Variants in DIP2B observed in about 807,000 individuals in gnomAD.
DIP2B encodes DIP2 acetate--CoA ligase B (putative), also known as disco-interacting protein 2 homolog B.
A neutral mutation model predicts 198.0 loss-of-function variants in DIP2B; 76 were observed. The observed-to-expected ratio is 0.38, with a 90% CI of 0.32 to 0.46. The LOEUF (loss-of-function observed/expected upper bound fraction) is 0.46, where lower values mean the gene tolerates loss of function less well. DIP2B is among the 20% of genes least tolerant of loss of function. The pLI is 0.99. For synonymous variants in DIP2B, 701 were observed against 739.1 expected (o/e 0.95, Z 0.84); for missense variants, 1,559 against 1,978.4 (o/e 0.79, Z 4.02).
intron 3 of DIP2B, among the ~76,000 whole-genome samples, chr12:50,651,960 A>T (rs61170935): frequency 1.3e-5 from 2 of 152,240 alleles, no homozygotes; most frequent in African/African-American, 4.8e-5. Flanking sequence ...CAGGTGGATC[A>T]CTTGAGGTCA....
At chr12:50,653,592 T>C (rs1938501076) in intron 3 of DIP2B, among the ~76,000 whole-genome samples, 1 of 152,016 alleles carries the variant, frequency 6.6e-6, no homozygotes, top group Non-Finnish European at 1.5e-5. Context: ...TCTGCCCACC[T>C]TGGCCTCCCA....
chr12:50,611,997 G>A (rs1421691496), intron 1 of DIP2B, among the ~76,000 whole-genome samples: 4 of 147,186 alleles, frequency 2.7e-5, no homozygotes, highest in Admixed American at 1.4e-4. Flanking sequence ...CCAAGATCCC[G>A]CCTCTAAAAA....
At chr12:50,576,548 G>A (rs1325826546) in intron 1 of DIP2B, among the ~76,000 whole-genome samples, 1 of 151,292 alleles carries the variant, frequency 6.6e-6, no homozygotes, top group Non-Finnish European at 1.5e-5. Flanking sequence ...GCGCGATCTC[G>A]GCTCACTGCA....
At position 50,505,013 on chromosome 12, in the gene DIP2B, C is replaced by CGGCGGCGGCGGT. The variant is rs1426283430; in HGVS notation, c.-126_-115dup. ...TGACCTTTGCTCATGGCGGCGGCGG[C>CGGCGGCGGCGGT]GGCGGCGGCGGTGCTGGTGGTGCTC... is the stretch of plus-strand genomic sequence containing the variant. On this transcript the variant is annotated 5_prime_UTR_variant, in exon 1 of 38. Transcript: ENST00000301180. The CGGCGGCGGCGGT allele has an allele frequency of 8.5e-6, 8 of 945,302 alleles. No individual in the cohort carries two copies. The East Asian group carries it at 2.3e-4, about 27-fold the overall frequency. 58.6% of individuals were successfully genotyped at this position (945,302 alleles called of 1,614,324 possible). A position where few individuals can be genotyped will look rare whatever the true frequency, so the allele number is the denominator to read the frequency against.
chr12:50,546,178 A>G (rs1958376138), intron 1 of DIP2B, among the ~76,000 whole-genome samples: 1 of 152,214 alleles, frequency 6.6e-6, no homozygotes, highest in East Asian at 1.9e-4. Flanking sequence ...ACATGTGCAA[A>G]TATGCATAAG....
chr12:50,563,025 G>T (rs897373845), intron 1 of DIP2B, among the ~76,000 whole-genome samples: 34 of 151,632 alleles, frequency 2.2e-4, no homozygotes, highest in Admixed American at 7.2e-4. Flanking sequence ...AGTGTAGAAC[G>T]ATTGCTAAAA....
intron 1 of DIP2B, among the ~76,000 whole-genome samples, chr12:50,581,871 A>G (rs1455525980): frequency 6.6e-6 from 1 of 152,224 alleles, no homozygotes; most frequent in Non-Finnish European, 1.5e-5. Context: ...GAGGAAGGGA[A>G]GAAAAGATAA....
chr12:50,559,557 A>G (rs1445019959), intron 1 of DIP2B, among the ~76,000 whole-genome samples: 2 of 152,076 alleles, frequency 1.3e-5, no homozygotes, highest in African/African-American at 4.8e-5. Context: ...CTGGGGCAAC[A>G]TAGCAAGATC....
intron 32 of DIP2B, among the ~76,000 whole-genome samples, chr12:50,733,553 A>G (rs1443152641): frequency 6.6e-6 from 1 of 152,094 alleles, no homozygotes; most frequent in Non-Finnish European, 1.5e-5. Flanking sequence ...CCTGCAAAAA[A>G]TATAGATGGG....
chr12:50,728,751 C>G, intron 30 of DIP2B, 73 bp downstream of exon 30: 1 of 1,536,978 alleles, frequency 6.5e-7, no homozygotes, highest in Non-Finnish European at 8.8e-7. Context: ...TCATCCTTCC[C>G]TTTGCTCCCT....
At chr12:50,648,377 T>A (rs561715209) in intron 3 of DIP2B, among the ~76,000 whole-genome samples, 80 of 152,268 alleles carry the variant, frequency 5.3e-4, no homozygotes, top group Middle Eastern at 6.8e-3. Flanking sequence ...TTATTTATTT[T>A]TTTTGAGACG....
intron 28 of DIP2B, among the ~76,000 whole-genome samples, chr12:50,727,077 C>G (rs929380622): frequency 1.3e-5 from 2 of 152,088 alleles, no homozygotes; most frequent in African/African-American, 4.8e-5. Flanking sequence ...GAGATCGAGC[C>G]ACTGCACTCC....
intron 1 of DIP2B, among the ~76,000 whole-genome samples, chr12:50,531,534 A>G (rs1958217070): frequency 6.6e-6 from 1 of 152,202 alleles, no homozygotes; most frequent in African/African-American, 2.4e-5. Context: ...TAGGACTGAG[A>G]AAATGCAATT....
intron 1 of DIP2B, among the ~76,000 whole-genome samples, chr12:50,510,904 C>G (rs1409582251): frequency 6.7e-6 from 1 of 150,266 alleles, no homozygotes; most frequent in Non-Finnish European, 1.5e-5. Context: ...CTCGGCCTCC[C>G]AAAGTGCTGG....
At chr12:50,689,613 G>A (rs906643864) in intron 12 of DIP2B, among the ~76,000 whole-genome samples, 5 of 152,182 alleles carry the variant, frequency 3.3e-5, no homozygotes, top group Non-Finnish European at 7.3e-5. Flanking sequence ...GTTTCCAGGG[G>A]CAGGGACGGG....
intron 1 of DIP2B, among the ~76,000 whole-genome samples, chr12:50,613,941 G>A (rs2731448): frequency 0.043 from 6,551 of 152,172 alleles, 481 homozygotes; most frequent in African/African-American, 0.15. Flanking sequence ...TGGTAGAATC[G>A]GTATCTTTCT....
At chr12:50,615,925 G>C (rs143647949) in intron 1 of DIP2B, among the ~76,000 whole-genome samples, 2 of 152,154 alleles carry the variant, frequency 1.3e-5, no homozygotes, top group African/African-American at 4.8e-5. Flanking sequence ...TGACACCTCA[G>C]GTCATTTGTA....
At chr12:50,553,152 AT>A (rs1242118071) in intron 1 of DIP2B, among the ~76,000 whole-genome samples, 1 of 152,154 alleles carries the variant, frequency 6.6e-6, no homozygotes, top group African/African-American at 2.4e-5. Flanking sequence ...AGTTTTCTAT[AT>A]GGTGTCAGAT....
intron 9 of DIP2B, among the ~76,000 whole-genome samples, chr12:50,682,183 G>C (rs1939051485): frequency 6.6e-6 from 1 of 152,182 alleles, no homozygotes; most frequent in South Asian, 2.1e-4. Flanking sequence ...ACTTACTATA[G>C]AGGTTTCACG....
Sources: allele counts gnomAD v4.1 joint callset (sites outside exome capture counted in the v4.1 genomes callset), GRCh38; gene constraint gnomAD v4.1.1; transcripts MANE v1.5; gene names NCBI Gene and HGNC (gene_info 2026-07-23, HGNC 2026-07-21).